Variants in GPC5 observed in about 807,000 individuals in gnomAD.
GPC5 encodes the protein glypican 5.
Under a neutral mutation model 53.9 loss-of-function variants are expected in GPC5, and 47 were observed. The ratio of observed to expected loss-of-function variants is 0.87; its 90% confidence interval spans 0.69 to 1.11. The LOEUF (loss-of-function observed/expected upper bound fraction) is 1.11. Ranked by LOEUF, GPC5 falls within the 50% of genes most tolerant of loss-of-function variation. The probability of loss-of-function intolerance (pLI) is 0.00; values close to 1 mark genes in which losing one functional copy is unlikely to be tolerated. For synonymous variants in GPC5, 286 were observed against 263.3 expected, an observed-to-expected ratio of 1.09 and a Z score of -0.84; for missense variants, 748 against 713.1, an observed-to-expected ratio of 1.05 and a Z score of -0.56.
At chr13:92,861,306 G>C (rs151316859) in intron 7 of GPC5, among the ~76,000 whole-genome samples, 232 of 152,166 alleles carry the variant, frequency 1.5e-3, no homozygotes, top group African/African-American at 5.2e-3. Context: ...CATAAAAGTG[G>C]AATTATTTGG....
intron 3 of GPC5, among the ~76,000 whole-genome samples, chr13:91,711,655 G>A (rs769228680): frequency 6.6e-6 from 1 of 152,164 alleles, no homozygotes; most frequent in Non-Finnish European, 1.5e-5. Context: ...ACTGTATTAA[G>A]TAAAGCATTT....
chr13:92,754,986 C>G lies in GPC5; in HGVS notation c.1562-111296C>G, dbSNP rs1470130015. ...AGCTCTGCACCAAGCGGACCTAACA[C>G]ACATCTACAGAACTCTCCACCCCAA... On this transcript the variant is annotated intron_variant, in intron 7 of 7. Transcript: ENST00000377067. Among the ~76,000 whole-genome samples the G allele has an allele frequency of 6.6e-5, 10 of 152,196 alleles. No homozygotes were observed. The East Asian group carries it at 1.2e-3, about 18-fold the overall frequency.
At chr13:91,828,280 A>G (rs1263107842) in intron 5 of GPC5, among the ~76,000 whole-genome samples, 2 of 151,866 alleles carry the variant, frequency 1.3e-5, no homozygotes, top group Non-Finnish European at 1.5e-5. Flanking sequence ...CTATGTCACT[A>G]CTCACACTCA....
intron 7 of GPC5, among the ~76,000 whole-genome samples, chr13:92,668,660 T>C (rs1465109987): frequency 1.3e-5 from 2 of 152,144 alleles, no homozygotes; most frequent in Non-Finnish European, 1.5e-5. Flanking sequence ...TATAATCTTT[T>C]ATTTGACATT....
At chr13:92,458,830 C>G (rs537842173) in intron 7 of GPC5, among the ~76,000 whole-genome samples, 22 of 152,260 alleles carry the variant, frequency 1.4e-4, no homozygotes, top group Middle Eastern at 3.4e-3. Flanking sequence ...TTACGGTCAT[C>G]ATCACCATCA....
chr13:91,717,797 T>A (rs910945259), intron 3 of GPC5, among the ~76,000 whole-genome samples: 2 of 151,950 alleles, frequency 1.3e-5, no homozygotes, highest in Non-Finnish European at 2.9e-5. Flanking sequence ...CCTTGTGATC[T>A]GCCCACCTCG....
chr13:92,305,250 AAG>A (rs754437376), intron 7 of GPC5, among the ~76,000 whole-genome samples: 4 of 152,170 alleles, frequency 2.6e-5, no homozygotes, highest in Non-Finnish European at 5.9e-5. Context: ...ATGTGTTCAA[AAG>A]AGAGTTGAGA....
intron 2 of GPC5, among the ~76,000 whole-genome samples, chr13:91,617,509 A>G (rs575644130): frequency 3.6e-4 from 55 of 152,250 alleles, no homozygotes; most frequent in Middle Eastern, 3.4e-3. Context: ...AGGTCAATAA[A>G]TAGTAGTAAA....
At chr13:91,476,258 A>G (rs1408965056) in intron 2 of GPC5, among the ~76,000 whole-genome samples, 1 of 152,158 alleles carries the variant, frequency 6.6e-6, no homozygotes, top group Non-Finnish European at 1.5e-5. Context: ...CCCCCCAGGG[A>G]GCAAAATCAC....
chr13:92,586,533 G>A (rs980572714), intron 7 of GPC5, among the ~76,000 whole-genome samples: 34 of 152,186 alleles, frequency 2.2e-4, no homozygotes, highest in African/African-American at 5.1e-4. Context: ...CCACTTTGGC[G>A]TCAGTGTGCA....
intron 2 of GPC5, among the ~76,000 whole-genome samples, chr13:91,677,653 T>C (rs2035414625): frequency 6.6e-6 from 1 of 152,194 alleles, no homozygotes; most frequent in Non-Finnish European, 1.5e-5. Flanking sequence ...GGGATTTTAT[T>C]CTTATTTTAA....
At chr13:92,098,908 T>G (rs2138908332) in intron 6 of GPC5, among the ~76,000 whole-genome samples, 1 of 152,180 alleles carries the variant, frequency 6.6e-6, no homozygotes, top group East Asian at 1.9e-4. Context: ...ACCACTAAAC[T>G]TCTGGTAACT....
intron 3 of GPC5, among the ~76,000 whole-genome samples, chr13:91,694,084 T>A (rs2035827436): frequency 6.6e-6 from 1 of 152,200 alleles, no homozygotes; most frequent in Non-Finnish European, 1.5e-5. Flanking sequence ...GTGAGTACTG[T>A]GACGTGGCAA....
At chr13:92,449,612 G>A (rs528371848) in intron 7 of GPC5, among the ~76,000 whole-genome samples, 3 of 152,194 alleles carry the variant, frequency 2.0e-5, no homozygotes, top group African/African-American at 7.2e-5. Context: ...GCAAATGAAA[G>A]CAGTGGAATG....
At chr13:92,302,516 A>C (rs1008259257) in intron 7 of GPC5, among the ~76,000 whole-genome samples, 1 of 152,162 alleles carries the variant, frequency 6.6e-6, no homozygotes, top group African/African-American at 2.4e-5. Context: ...ATTTATTTTT[A>C]TTCTACTTTT....
At chr13:92,853,433 T>C (rs1258097366) in intron 7 of GPC5, among the ~76,000 whole-genome samples, 1 of 152,200 alleles carries the variant, frequency 6.6e-6, no homozygotes, top group Non-Finnish European at 1.5e-5. Flanking sequence ...ATATAGGATA[T>C]ATAGGGTTTG....
intron 7 of GPC5, among the ~76,000 whole-genome samples, chr13:92,462,913 TC>T (rs1201584095): frequency 1.3e-5 from 2 of 151,930 alleles, no homozygotes; most frequent in African/African-American, 4.8e-5. Context: ...ATGGGGTTTC[TC>T]CATGTTGGTC....
chr13:91,749,278 T>C (rs1215218809), intron 4 of GPC5, among the ~76,000 whole-genome samples: 1 of 152,204 alleles, frequency 6.6e-6, no homozygotes, highest in Non-Finnish European at 1.5e-5. Context: ...GAACATGTGA[T>C]ATTTGACTTT....
chr13:91,695,768 C>A (rs2035867441), intron 3 of GPC5, among the ~76,000 whole-genome samples: 2 of 152,150 alleles, frequency 1.3e-5, no homozygotes, highest in Non-Finnish European at 2.9e-5. Context: ...TAATTTGGGT[C>A]ATTATAACTT....
Sources: gnomAD v4.1 joint callset for allele counts (sites outside exome capture counted in the v4.1 genomes callset) on GRCh38, gnomAD v4.1.1 for gene constraint, MANE v1.5 for transcripts, NCBI Gene and HGNC (gene_info 2026-07-23, HGNC 2026-07-21) for gene names.